NRG1: variants seen among roughly 807,000 people sequenced by gnomAD.
NRG1 encodes the protein pro-neuregulin-1, membrane-bound isoform.
Under a neutral mutation model 63.8 loss-of-function variants are expected in NRG1, and 18 were observed. The ratio of observed to expected loss-of-function variants is 0.28; its 90% CI spans 0.19 to 0.42. NRG1 has a LOEUF of 0.42. Among genes scored for constraint, NRG1 ranks in the 10% least tolerant of loss-of-function variants. The pLI, the probability that NRG1 is intolerant of heterozygous loss-of-function variation, is 1.00. For missense variants in NRG1, 762 were observed against 814.7 expected (o/e 0.94, Z 0.79); for synonymous variants, 302 against 301.3 (o/e 1.00, Z -0.02).
At chr8:32,671,860 A>C (rs1805726955) in intron 5 of NRG1, among the ~76,000 whole-genome samples, 1 of 152,194 alleles carries the variant, frequency 6.6e-6, no homozygotes, top group Admixed American at 6.5e-5. Context: ...GTGATTAGAA[A>C]ATCATTATAT....
chr8:31,883,600 T>C (rs1830512290), intron 1 of NRG1, among the ~76,000 whole-genome samples: 1 of 152,162 alleles, frequency 6.6e-6, no homozygotes, highest in African/African-American at 2.4e-5. Context: ...ATTTTATTTA[T>C]TTTGAACTTA....
intron 1 of NRG1, among the ~76,000 whole-genome samples, chr8:31,673,271 T>TGAA (rs1268574617): frequency 6.6e-6 from 1 of 152,132 alleles, no homozygotes; most frequent in East Asian, 1.9e-4. Flanking sequence ...GATGACCTCA[T>TGAA]TTAGAGAAAC....
intron 1 of NRG1, among the ~76,000 whole-genome samples, chr8:32,122,554 AG>A (rs1295205753): frequency 1.3e-5 from 2 of 152,014 alleles, no homozygotes; most frequent in African/African-American, 4.8e-5. Flanking sequence ...GAATTTTCCA[AG>A]GGTGTGTGAA....
intron 1 of NRG1, among the ~76,000 whole-genome samples, chr8:31,912,666 GA>G (rs1424984091): frequency 1.3e-5 from 2 of 150,138 alleles, no homozygotes; most frequent in African/African-American, 4.9e-5. Flanking sequence ...GAAAGAAAGG[GA>G]AAAAGAAAAA....
At chr8:31,726,189 C>G (rs551424228) in intron 1 of NRG1, among the ~76,000 whole-genome samples, 1 of 151,902 alleles carries the variant, frequency 6.6e-6, no homozygotes, top group Non-Finnish European at 1.5e-5. Flanking sequence ...GTATAGGTGA[C>G]GGCTTCAGCT....
chr8:32,316,963 G>A (rs1228511763), intron 1 of NRG1, among the ~76,000 whole-genome samples: 3 of 152,164 alleles, frequency 2.0e-5, no homozygotes, highest in Non-Finnish European at 4.4e-5. Flanking sequence ...ATTTTCTCCT[G>A]CCCTTCAATG....
intron 1 of NRG1, among the ~76,000 whole-genome samples, chr8:32,074,499 CT>C (rs1826199278): frequency 6.6e-6 from 1 of 152,122 alleles, no homozygotes; most frequent in Non-Finnish European, 1.5e-5. Context: ...TTGAATTTTC[CT>C]TTTGTCTTTC....
chr8:31,736,986 G>T (rs1041353945), intron 1 of NRG1, among the ~76,000 whole-genome samples: 4 of 152,074 alleles, frequency 2.6e-5, no homozygotes, highest in Admixed American at 6.6e-5. Context: ...ACATGGTTTT[G>T]GTTCTGCCTC....
intron 1 of NRG1, among the ~76,000 whole-genome samples, chr8:32,478,318 G>C (rs560246938): frequency 6.6e-6 from 1 of 152,136 alleles, no homozygotes; most frequent in African/African-American, 2.4e-5. Context: ...CAGCCGGAGC[G>C]GTCTCTTCAG....
intron 1 of NRG1, among the ~76,000 whole-genome samples, chr8:32,525,544 C>T (rs1032362328): frequency 3.3e-5 from 5 of 151,908 alleles, no homozygotes; most frequent in Non-Finnish European, 7.4e-5. Context: ...AGTCTGAGAC[C>T]ACACATTTAC....
exon 1 of NRG1, chr8:31,639,392 A>G (rs1369279703): frequency 1.3e-6 from 2 of 1,534,590 alleles, no homozygotes; most frequent in East Asian, 2.4e-5. Context: ...CTCCGGCAGC[A>G]GCATGGGGAA....
chr8:32,266,236 T>C (rs943789573), intron 1 of NRG1, among the ~76,000 whole-genome samples: 2 of 152,180 alleles, frequency 1.3e-5, no homozygotes, highest in Admixed American at 6.5e-5. Flanking sequence ...ATAAAAACTT[T>C]CTTATGAAAC....
chr8:32,237,173 G>A (rs747890463), intron 1 of NRG1, among the ~76,000 whole-genome samples: 1 of 152,088 alleles, frequency 6.6e-6, no homozygotes, highest in Non-Finnish European at 1.5e-5. Flanking sequence ...TCCCTCTACT[G>A]CACTTAATCA....
At chr8:32,402,256 T>A (rs1587396638) in intron 1 of NRG1, among the ~76,000 whole-genome samples, 1 of 152,150 alleles carries the variant, frequency 6.6e-6, no homozygotes, top group African/African-American at 2.4e-5. Flanking sequence ...TTACCCTTTG[T>A]AGCTCATTGT....
chr8:31,955,167 T>G (rs1343673163), intron 1 of NRG1, among the ~76,000 whole-genome samples: 3 of 152,150 alleles, frequency 2.0e-5, no homozygotes, highest in Non-Finnish European at 2.9e-5. Context: ...TTAAAAGTAA[T>G]GGCAAAACGG....
rs115345416 is a variant in NRG1, at chr8:32,614,168, C to T, written c.401-346C>T. On this transcript the variant is annotated intron_variant, in intron 3 of 11. Coordinates refer to ENST00000356819, the Ensembl canonical transcript of NRG1. ...AAATTCTTACTACAGCTTGGCAATC[C>T]GATAGCTTTGACTTTCTTAGTTCCC... Among the ~76,000 whole-genome samples, 963 of 152,116 alleles carry T rather than the reference C, an allele frequency of 6.3e-3. 13 individuals are homozygous for T. Among genetic ancestry groups the T allele is most frequent in the African/African-American group, 0.022 (899 of 41,534 alleles).
chr8:31,985,133 C>T (rs537536260), intron 1 of NRG1, among the ~76,000 whole-genome samples: 261 of 151,866 alleles, frequency 1.7e-3, no homozygotes, highest in African/African-American at 5.8e-3. Context: ...CTGTGAGGTT[C>T]GTAATCTGTT....
chr8:31,733,596 C>G (rs375081716), intron 1 of NRG1, among the ~76,000 whole-genome samples: 1 of 152,132 alleles, frequency 6.6e-6, no homozygotes, highest in East Asian at 1.9e-4. Context: ...AGTTGCAGCT[C>G]TTGTTCTCTT....
chr8:32,729,696 T>G (rs1377047421), intron 6 of NRG1, among the ~76,000 whole-genome samples: 1 of 152,200 alleles, frequency 6.6e-6, no homozygotes, highest in Non-Finnish European at 1.5e-5. Context: ...TAGGTGCCAA[T>G]TCTAATAAAA....
Sources: gnomAD v4.1 joint callset for allele counts (sites outside exome capture counted in the v4.1 genomes callset) on GRCh38, gnomAD v4.1.1 for gene constraint, MANE v1.5 for transcripts, NCBI Gene and HGNC (gene_info 2026-07-23, HGNC 2026-07-21) for gene names.